IL17REL: variants seen among roughly 807,000 people sequenced by gnomAD.
IL17REL encodes interleukin 17 receptor E like.
A neutral mutation model predicts 49.0 loss-of-function variants in IL17REL; 36 were observed. The ratio of observed to expected loss-of-function variants is 0.73; its 90% confidence interval spans 0.56 to 0.97. The LOEUF (loss-of-function observed/expected upper bound fraction) is 0.97. Ranked by LOEUF, IL17REL falls within the 50% of genes least tolerant of loss-of-function variation. IL17REL has a pLI of 0.00. For missense variants in IL17REL, 470 were observed against 453.9 expected (o/e 1.04, Z -0.32); for synonymous variants, 206 against 192.4 (o/e 1.07, Z -0.58).
In IL17REL at chr22:50,000,253, G is replaced by A. The variant is rs539606634; in HGVS notation, c.334+225C>T. On this transcript the variant is annotated intron_variant, in intron 4 of 12. Transcript: ENST00000341280. ...TCCTCTCCGCAGTCTGCAAACCGCA[G>A]AGGCAATGGCGGGGTGCGGGCTGCC... is the stretch of plus-strand genomic sequence containing the variant. 3.9e-5 allele frequency among the ~76,000 whole-genome samples: 6 copies of A among 152,356 alleles called. No homozygotes were observed. Among genetic ancestry groups the A allele is most frequent in the African/African-American group, 2.4e-5 (1 of 41,592 alleles).
chr22:50,006,928 G>A (rs1447654769), intron 1 of IL17REL, among the ~76,000 whole-genome samples: 3 of 144,594 alleles, frequency 2.1e-5, no homozygotes, highest in Non-Finnish European at 4.5e-5. Flanking sequence ...GCACTTCAGC[G>A]TGGGCAAAAC....
chr22:50,012,035 C>T (rs1022876839), upstream of IL17REL, among the ~76,000 whole-genome samples: 7 of 152,160 alleles, frequency 4.6e-5, no homozygotes, highest in Non-Finnish European at 1.0e-4. Context: ...ATGCTGGGTA[C>T]ACTTCCTGCT....
chr22:49,997,134 G>A, intron 11 of IL17REL, 60 bp from the exon 14 acceptor site: 1 of 1,491,534 alleles, frequency 6.7e-7, no homozygotes, highest in Non-Finnish European at 9.1e-7. Context: ...GCTAAACACT[G>A]TCCTTCTCCC....
exon 4 of IL17REL, chr22:50,000,556 C>T: frequency 6.2e-7 from 1 of 1,613,526 alleles, no homozygotes; most frequent in South Asian, 1.1e-5. Flanking sequence ...AGGTGCTGGG[C>T]CACGCTCACC....
chr22:49,997,806 G>T, intron 9 of IL17REL, 64 bp from the exon 12 acceptor site: 1 of 1,533,814 alleles, frequency 6.5e-7, no homozygotes. Flanking sequence ...AGGGACAGGG[G>T]CAGGGACAGG....
intron 7 of IL17REL, among the ~76,000 whole-genome samples, chr22:49,999,044 T>G (rs1444009497): frequency 6.6e-6 from 1 of 152,110 alleles, no homozygotes; most frequent in Admixed American, 6.5e-5. Flanking sequence ...CAGCCCCTCT[T>G]GACAGGCTTG....
At chr22:50,010,492 C>T (rs1038259762), upstream of IL17REL, among the ~76,000 whole-genome samples, 15 of 152,244 alleles carry the variant, frequency 9.9e-5, no homozygotes, top group Non-Finnish European at 1.8e-4. Flanking sequence ...CGTGGGTCCC[C>T]GGGCCTCCCT....
chr22:50,012,115 C>G (rs2061144391), upstream of IL17REL, among the ~76,000 whole-genome samples: 1 of 152,128 alleles, frequency 6.6e-6, no homozygotes, highest in Admixed American at 6.5e-5. Context: ...GCCCTCCACC[C>G]CAACCCAGCC....
chr22:50,000,397 C>T (rs893268290), intron 4 of IL17REL, 81 bp downstream of exon 5: 6 of 1,063,524 alleles, frequency 5.6e-6, no homozygotes, highest in Non-Finnish European at 8.7e-6. Context: ...GGGCCAGGCC[C>T]CTGCCCTGGG....
At chr22:50,004,762 G>A (rs2061099491) in intron 1 of IL17REL, among the ~76,000 whole-genome samples, 2 of 151,648 alleles carry the variant, frequency 1.3e-5, no homozygotes, top group South Asian at 4.2e-4. Flanking sequence ...TCGGGAGGCT[G>A]AGGTAGGAGA....
intron 7 of IL17REL, among the ~76,000 whole-genome samples, chr22:49,998,734 G>T (rs1237497439): frequency 1.4e-5 from 2 of 148,012 alleles, no homozygotes; most frequent in Non-Finnish European, 3.0e-5. Context: ...CATGTGTATG[G>T]GTGTGTATGT....
chr22:50,005,846 A>C (rs2146756658), intron 1 of IL17REL, among the ~76,000 whole-genome samples: 1 of 152,108 alleles, frequency 6.6e-6, no homozygotes, highest in South Asian at 2.1e-4. Flanking sequence ...TACCAAAAAT[A>C]AAAATAAAAA....
Position 50,001,165 on chromosome 22 carries a change from AG to A in IL17REL, c.25del (p.Leu9Ter). On this transcript the variant is annotated frameshift_variant, in exon 2 of 13. Coordinates refer to ENST00000341280, the Ensembl canonical transcript of IL17REL. LOFTEE classifies it high-confidence loss of function. ...ACACTGCATGGCAGTGGAGGACGTC[AG>A]GGCCTCCAGGACTGACCTGGACATG... 3 of 1,605,138 alleles carry A rather than the reference AG, an allele frequency of 1.9e-6. No individual in the cohort carries two copies. The highest frequency in any genetic ancestry group is 2.6e-6 in the Non-Finnish European group (3 of 1,176,390).
At chr22:50,012,139 A>T (rs1281432397), upstream of IL17REL, among the ~76,000 whole-genome samples, 1 of 152,164 alleles carries the variant, frequency 6.6e-6, no homozygotes, top group Non-Finnish European at 1.5e-5. Context: ...TCCACTGCCA[A>T]CATCTCATTC....
chr22:50,006,749 C>T (rs952842073), intron 1 of IL17REL, among the ~76,000 whole-genome samples: 16 of 152,064 alleles, frequency 1.1e-4, no homozygotes, highest in East Asian at 7.8e-4. Context: ...GTCAAGAGAT[C>T]GAGACCAGCC....
chr22:49,995,474 ACT>A (rs2061029085), exon 13 of IL17REL: 1 of 150,772 alleles, frequency 6.6e-6, no homozygotes, highest in South Asian at 2.1e-4. Context: ...AACACCCCAC[ACT>A]CTCGGAGGGG....
At chr22:49,999,758 T>A in intron 5 of IL17REL, 70 bp downstream of exon 7, 2 of 1,142,590 alleles carry the variant, frequency 1.8e-6, no homozygotes, top group Non-Finnish European at 1.1e-6. Context: ...GGCCTAAGGC[T>A]GACCGGGGCC....
intron 12 of IL17REL, 57 bp from the exon 15 acceptor site, chr22:49,996,917 G>C: frequency 1.4e-6 from 1 of 707,620 alleles, no homozygotes; most frequent in Non-Finnish European, 2.3e-6. Context: ...GGGGATGGGG[G>C]ATGGGAAGGG....
chr22:50,004,494 G>A (rs1399106806), intron 1 of IL17REL, among the ~76,000 whole-genome samples: 1 of 152,132 alleles, frequency 6.6e-6, no homozygotes. Context: ...TCCTTCCCTT[G>A]GAGCATCATC....
Sources: allele counts gnomAD v4.1 joint callset (sites outside exome capture counted in the v4.1 genomes callset), GRCh38; gene constraint gnomAD v4.1.1; transcripts MANE v1.5; gene names NCBI Gene and HGNC (gene_info 2026-07-23, HGNC 2026-07-21).